ABCG2: variants seen among roughly 807,000 people sequenced by gnomAD.
ABCG2 encodes broad substrate specificity ATP-binding cassette transporter ABCG2.
A neutral mutation model predicts 73.5 loss-of-function variants in ABCG2; 80 were observed. The observed-to-expected ratio is 1.09, with a 90% CI of 0.91 to 1.31. The LOEUF (loss-of-function observed/expected upper bound fraction) is 1.31. Among genes scored for constraint, ABCG2 ranks in the 50% most tolerant of loss-of-function variants. The pLI is 0.00. For synonymous variants in ABCG2, 269 were observed against 282.4 expected, an observed-to-expected ratio of 0.95 and a Z score of 0.48; for missense variants, 796 against 786.2, an observed-to-expected ratio of 1.01 and a Z score of -0.15.
At chr4:88,129,613 CAG>C (rs1278043224) in intron 5 of ABCG2, among the ~76,000 whole-genome samples, 2 of 152,180 alleles carry the variant, frequency 1.3e-5, no homozygotes, top group Non-Finnish European at 2.9e-5. Context: ...GGTGGCATCT[CAG>C]AGTTACTCTT....
intron 1 of ABCG2, 58 bp from the exon 2 acceptor site, chr4:88,140,072 T>A: frequency 7.2e-7 from 1 of 1,380,710 alleles, no homozygotes; most frequent in Non-Finnish European, 1.0e-6. Context: ...TTGCAAACAC[T>A]AGGTGACAAT....
At chr4:88,122,516 T>A (rs1004987268) in intron 5 of ABCG2, among the ~76,000 whole-genome samples, 1 of 152,140 alleles carries the variant, frequency 6.6e-6, no homozygotes, top group Non-Finnish European at 1.5e-5. Context: ...GAGGCTTGAG[T>A]AGGCCCTCAC....
rs746161650 is a variant in ABCG2, at chr4:88,139,875, T to C, written c.121A>G (p.Asn41Asp). 1.2e-6 allele frequency: 2 copies of C among 1,614,172 alleles called. No individual in the cohort carries two copies. The highest frequency in any genetic ancestry group is 1.7e-6 in the Non-Finnish European group (2 of 1,180,024). The change falls in exon 2 of 16, where the codon AAC becomes GAC. Residue 41 changes from asparagine to aspartate, a missense_variant. Transcript: ENST00000237612. ...TTCAGTTTTACTCGATAGCAGATGT[T>C]ATGAAAACTTAACACAGCTCCTTCA... ...FTEGAVLSFH[N>D]ICYRVKLKSG...
At chr4:88,209,975 C>A (rs1327332390) in intron 1 of ABCG2, among the ~76,000 whole-genome samples, 2 of 151,834 alleles carry the variant, frequency 1.3e-5, no homozygotes, top group Non-Finnish European at 2.9e-5. Flanking sequence ...GCTTTTGTAC[C>A]CTAGTGGTAG....
At chr4:88,133,542 G>A (rs910923057) in intron 2 of ABCG2, among the ~76,000 whole-genome samples, 7 of 152,198 alleles carry the variant, frequency 4.6e-5, no homozygotes, top group Admixed American at 2.6e-4. Context: ...ACATAAGCAC[G>A]TTTCAAACAA....
intron 5 of ABCG2, among the ~76,000 whole-genome samples, chr4:88,126,415 T>C (rs1277178834): frequency 2.0e-5 from 3 of 152,216 alleles, no homozygotes; most frequent in Admixed American, 2.0e-4. Flanking sequence ...AACTTCTCCC[T>C]AACTCATTTT....
At chr4:88,098,610 G>GTA (rs141581489) in intron 12 of ABCG2, among the ~76,000 whole-genome samples, 18,020 of 148,628 alleles carry the variant, frequency 0.12, 2,397 homozygotes, top group African/African-American at 0.32. Context: ...GTGTGTGTGT[G>GTA]TATATATATA....
rs569544320 is a variant in ABCG2, at chr4:88,186,634, G to A, written c.-20+44360C>T. ...CTACTAAAAATACAAAAATTTAGCC[G>A]GGCGGCCGGGCGCGGTGGCTCACGC... On this transcript the variant is annotated intron_variant, in intron 1 of 15. Transcript: ENST00000515655. 4.6e-3 allele frequency among the ~76,000 whole-genome samples: 707 copies of A among 152,144 alleles called. 4 individuals carry two copies. Among genetic ancestry groups the A allele is most frequent in the African/African-American group, 0.016 (672 of 41,518 alleles).
intron 1 of ABCG2, among the ~76,000 whole-genome samples, chr4:88,197,845 A>G (rs1414347464): frequency 2.0e-5 from 3 of 152,076 alleles, no homozygotes; most frequent in South Asian, 4.2e-4. Context: ...CAGCCTGGCC[A>G]GCATGGTGAA....
Position 88,131,338 on chromosome 4 carries a change from T to C in ABCG2, c.379-125A>G, listed in dbSNP as rs1006356593. The C allele has an allele frequency of 4.8e-5, 49 of 1,018,936 alleles. No individual in the cohort carries two copies. In the Admixed American group the frequency reaches 1.1e-3, roughly 23 times the overall value. 63.1% of individuals were successfully genotyped at this position (1,018,936 alleles called of 1,614,324 possible). A position where few individuals can be genotyped will look rare whatever the true frequency, so the allele number is the denominator to read the frequency against. On this transcript the variant is annotated intron_variant, in intron 4 of 15. Transcript: ENST00000237612. ...ACTAAGGTAAAGTTCTAGCTAATGATGAACCTGCAGTTCTGCAAATGACAG... is the reference window on the plus strand; with the variant it reads ...ACTAAGGTAAAGTTCTAGCTAATGACGAACCTGCAGTTCTGCAAATGACAG...
At chr4:88,115,645 AAAG>A (rs1459189576) in intron 7 of ABCG2, among the ~76,000 whole-genome samples, 1 of 151,824 alleles carries the variant, frequency 6.6e-6, no homozygotes, top group African/African-American at 2.4e-5. Flanking sequence ...AAAAGAAAGA[AAAG>A]AAAACACTCC....
intron 1 of ABCG2, among the ~76,000 whole-genome samples, chr4:88,142,469 T>A (rs1280490966): frequency 6.6e-6 from 1 of 152,170 alleles, no homozygotes; most frequent in African/African-American, 2.4e-5. Flanking sequence ...GTAGAAACCA[T>A]TTAAAGACTG....
intron 5 of ABCG2, among the ~76,000 whole-genome samples, chr4:88,126,501 T>C (rs566937027): frequency 6.6e-6 from 1 of 152,362 alleles, no homozygotes; most frequent in Admixed American, 6.5e-5. Context: ...CCAATATCCC[T>C]GATCAACATC....
chr4:88,215,831 T>A (rs1470187900), intron 1 of ABCG2, among the ~76,000 whole-genome samples: 1 of 152,336 alleles, frequency 6.6e-6, no homozygotes, highest in East Asian at 1.9e-4. Flanking sequence ...AAAATCTAGG[T>A]CCGTTAGGCA....
intron 1 of ABCG2, among the ~76,000 whole-genome samples, chr4:88,146,538 G>A (rs1321708230): frequency 6.6e-6 from 1 of 152,042 alleles, no homozygotes; most frequent in Non-Finnish European, 1.5e-5. Flanking sequence ...GGGACTACAG[G>A]CGCCCACCAC....
chr4:88,106,378 T>C (rs997728932), intron 10 of ABCG2, among the ~76,000 whole-genome samples: 1 of 152,126 alleles, frequency 6.6e-6, no homozygotes, highest in Non-Finnish European at 1.5e-5. Flanking sequence ...TTTCCATCTA[T>C]AGATGAATGG....
chr4:88,131,846 G>A lies in ABCG2; in HGVS notation c.335C>T (p.Pro112Leu), dbSNP rs199473672. 6.1e-5 allele frequency: 99 copies of A among 1,613,650 alleles called. 1 individual carries two copies. In the East Asian group the frequency reaches 1.7e-3, roughly 28 times the overall value. ...ATTACATTTGAAATTGGCAGGTCGCGGTGCTCCATTTATCAGAACATCTCC... is the reference window on the plus strand; with the variant it reads ...ATTACATTTGAAATTGGCAGGTCGCAGTGCTCCATTTATCAGAACATCTCC... Reference protein sequence around the residue: ...LSGDVLINGAPRPANFKCNSG... With the variant: ...LSGDVLINGALRPANFKCNSG... Residue 112 changes from proline to leucine, a missense_variant, in exon 4 of 16, where the codon CCG becomes CTG. Coordinates refer to ENST00000237612, the MANE Select transcript of ABCG2 (RefSeq NM_004827.3).
At chr4:88,185,077 T>C (rs1489908601) in intron 1 of ABCG2, among the ~76,000 whole-genome samples, 1 of 152,106 alleles carries the variant, frequency 6.6e-6, no homozygotes, top group Non-Finnish European at 1.5e-5. Context: ...ATATAAGACC[T>C]CATGGATGGG....
chr4:88,200,907 TA>T (rs1271558246), intron 1 of ABCG2, among the ~76,000 whole-genome samples: 1 of 151,588 alleles, frequency 6.6e-6, no homozygotes, highest in African/African-American at 2.4e-5. Flanking sequence ...TTGAACTAAA[TA>T]AAAATGAAAA....
Sources: allele counts gnomAD v4.1 joint callset (sites outside exome capture counted in the v4.1 genomes callset), GRCh38; gene constraint gnomAD v4.1.1; transcripts MANE v1.5; gene names NCBI Gene and HGNC (gene_info 2026-07-23, HGNC 2026-07-21).